Variants in ZFAND3 observed in about 807,000 individuals in gnomAD.
ZFAND3 encodes the protein AN1-type zinc finger protein 3.
In ZFAND3, 10 loss-of-function variants were observed where a neutral mutation model predicts 29.6. The ratio of observed to expected loss-of-function variants is 0.34; its 90% CI spans 0.21 to 0.57. The LOEUF (loss-of-function observed/expected upper bound fraction) is 0.57, where lower values mean the gene tolerates loss of function less well. ZFAND3 is among the 20% of genes least tolerant of loss of function. The pLI, the probability that ZFAND3 is intolerant of heterozygous loss-of-function variation, is 0.86. For missense variants in ZFAND3, 230 were observed against 304.5 expected (o/e 0.76, Z 1.82); for synonymous variants, 128 against 112.6 (o/e 1.14, Z -0.87).
intron 4 of ZFAND3, among the ~76,000 whole-genome samples, chr6:38,108,957 T>G (rs1765260835): frequency 1.3e-5 from 2 of 152,132 alleles, no homozygotes; most frequent in African/African-American, 4.8e-5. Flanking sequence ...ATTTTTAAAT[T>G]TATTGAAATT....
chr6:37,828,893 G>A (rs1259435463), intron 1 of ZFAND3, among the ~76,000 whole-genome samples: 2 of 151,964 alleles, frequency 1.3e-5, no homozygotes, highest in Non-Finnish European at 2.9e-5. Context: ...CTCGTGATCC[G>A]CCCGCCTCGG....
Position 38,153,897 on chromosome 6 carries a change from A to G in ZFAND3, c.*1508A>G, listed in dbSNP as rs148053111. The G allele has an allele frequency of 1.1e-3, 1,102 of 985,468 alleles. 11 individuals are homozygous for G. In the African/African-American group the frequency reaches 0.015, roughly 14 times the overall value. The allele number at this position is 985,468 out of a possible 1,614,324, so 61.0% of individuals were successfully genotyped here. On this transcript the variant is annotated 3_prime_UTR_variant, in exon 6 of 6. Transcript: ENST00000287218. ...GCTACTGGAATAGTTTAACCCAGCA[A>G]CTTTCCTTTTTATAAAACAACAAAT... is the stretch of plus-strand genomic sequence containing the variant.
intron 2 of ZFAND3, among the ~76,000 whole-genome samples, chr6:38,023,578 G>T (rs1370696388): frequency 6.6e-6 from 1 of 152,144 alleles, no homozygotes; most frequent in Non-Finnish European, 1.5e-5. Context: ...AGAATGTCCT[G>T]CCTCTAAGCT....
Position 38,154,112 on chromosome 6 carries a change from G to A in ZFAND3, c.*1723G>A. 1 of 985,536 alleles carries A rather than the reference G, an allele frequency of 1.0e-6. No homozygotes were observed. The highest frequency in any genetic ancestry group is 1.2e-6 in the Non-Finnish European group (1 of 829,986). 61.0% of individuals were successfully genotyped at this position (985,536 alleles called of 1,614,324 possible). ...GTGTCTTGCTCTAGGGCAACCCAGG[G>A]CAGAGGGGCCAGGTCTGCCCAGCGT... On this transcript the variant is annotated 3_prime_UTR_variant, in exon 6 of 6. Transcript: ENST00000287218.
intron 1 of ZFAND3, among the ~76,000 whole-genome samples, chr6:37,880,867 C>T (rs1403835882): frequency 1.2e-5 from 1 of 83,874 alleles, no homozygotes; most frequent in African/African-American, 5.0e-5. Context: ...GTGGTGGGGT[C>T]GGGGGAGGGG....
chr6:37,949,308 T>C (rs1761956311), intron 2 of ZFAND3, among the ~76,000 whole-genome samples: 1 of 152,146 alleles, frequency 6.6e-6, no homozygotes, highest in African/African-American at 2.4e-5. Flanking sequence ...GGTTATGTGG[T>C]TGTTGTTAAT....
intron 2 of ZFAND3, among the ~76,000 whole-genome samples, chr6:37,954,005 T>A (rs893305094): frequency 6.6e-5 from 10 of 152,332 alleles, no homozygotes; most frequent in African/African-American, 2.4e-4. Context: ...TATAGAATTA[T>A]AAATTGGCTT....
chr6:37,985,499 CCACACACA>C (rs5875607), intron 2 of ZFAND3, among the ~76,000 whole-genome samples: 10 of 141,592 alleles, frequency 7.1e-5, no homozygotes, highest in Non-Finnish European at 1.2e-4. Context: ...GCTTGTGGTT[CCACACACA>C]CACACACACA....
intron 1 of ZFAND3, among the ~76,000 whole-genome samples, chr6:37,870,612 A>T (rs1764677837): frequency 6.6e-6 from 1 of 151,290 alleles, no homozygotes; most frequent in Admixed American, 6.6e-5. Flanking sequence ...AAAAAAAAAA[A>T]AAAAAAGAGC....
At chr6:38,129,712 G>T (rs541712899) in intron 5 of ZFAND3, among the ~76,000 whole-genome samples, 11 of 152,096 alleles carry the variant, frequency 7.2e-5, no homozygotes, top group African/African-American at 2.7e-4. Context: ...TGCCGTTTTG[G>T]TGACTACGGC....
chr6:37,989,930 T>C (rs989204441), intron 2 of ZFAND3, among the ~76,000 whole-genome samples: 1 of 152,206 alleles, frequency 6.6e-6, no homozygotes, highest in African/African-American at 2.4e-5. Context: ...ATCTGGGACA[T>C]GGAGCAGTTT....
At chr6:38,106,988 T>C (rs2127480615) in intron 4 of ZFAND3, among the ~76,000 whole-genome samples, 1 of 152,314 alleles carries the variant, frequency 6.6e-6, no homozygotes, top group African/African-American at 2.4e-5. Flanking sequence ...TTCTTTATGT[T>C]TTTTAGTCTG....
intron 5 of ZFAND3, among the ~76,000 whole-genome samples, chr6:38,134,666 A>G (rs1394821600): frequency 1.3e-5 from 2 of 152,212 alleles, no homozygotes; most frequent in Non-Finnish European, 2.9e-5. Context: ...AGTATCAATG[A>G]AGTTTGTTTC....
intron 5 of ZFAND3, among the ~76,000 whole-genome samples, chr6:38,122,315 G>A (rs1400590833): frequency 6.6e-6 from 1 of 152,172 alleles, no homozygotes; most frequent in Non-Finnish European, 1.5e-5. Context: ...TAAATGCTAT[G>A]TAAATTGTTA....
chr6:37,855,936 C>G (rs1259757936), intron 1 of ZFAND3, among the ~76,000 whole-genome samples: 1 of 151,966 alleles, frequency 6.6e-6, no homozygotes, highest in Non-Finnish European at 1.5e-5. Context: ...CAAGGGTGAT[C>G]TGTAAACCTC....
intron 1 of ZFAND3, among the ~76,000 whole-genome samples, chr6:37,847,877 C>T (rs1396048851): frequency 3.3e-5 from 5 of 152,164 alleles, no homozygotes; most frequent in East Asian, 1.9e-4. Context: ...TATTGGAACA[C>T]GGTCATGCTC....
intron 1 of ZFAND3, among the ~76,000 whole-genome samples, chr6:37,917,031 AAC>A (rs1433063070): frequency 2.6e-5 from 4 of 152,248 alleles, no homozygotes; most frequent in South Asian, 2.1e-4. Flanking sequence ...CCAAAGCACA[AAC>A]ATAGTGATGC....
intron 2 of ZFAND3, among the ~76,000 whole-genome samples, chr6:37,966,096 C>T (rs1441723866): frequency 5.9e-5 from 9 of 152,054 alleles, no homozygotes; most frequent in African/African-American, 1.9e-4. Context: ...TTTACACAAC[C>T]GCAAACCAGA....
chr6:38,061,865 G>A (rs1581884546), intron 3 of ZFAND3, 90 bp downstream of exon 3: 3 of 1,440,374 alleles, frequency 2.1e-6, no homozygotes, highest in East Asian at 2.4e-5. Context: ...AGAAAAAACA[G>A]CACTTCTTTT....
Sources: gnomAD v4.1 joint callset for allele counts (sites outside exome capture counted in the v4.1 genomes callset) on GRCh38, gnomAD v4.1.1 for gene constraint, MANE v1.5 for transcripts, NCBI Gene and HGNC (gene_info 2026-07-23, HGNC 2026-07-21) for gene names.